The following ZNF484 variants were observed in gnomAD, a reference collection of about 807,000 sequenced individuals.
ZNF484 encodes KRAB box containing C2H2 type zinc finger bA526D8.4.
A neutral mutation model predicts 12.9 loss-of-function variants in ZNF484; 11 were observed. The observed-to-expected ratio is 0.85, with a 90% CI of 0.54 to 1.41. ZNF484 has a LOEUF of 1.41. Ranked by LOEUF, ZNF484 falls within the 40% of genes most tolerant of loss-of-function variation. The pLI, the probability that ZNF484 is intolerant of heterozygous loss-of-function variation, is 0.00. For synonymous variants in ZNF484, 289 were observed against 334.1 expected, an observed-to-expected ratio of 0.86 and a Z score of 1.47; for missense variants, 807 against 1,007.7, an observed-to-expected ratio of 0.80 and a Z score of 2.70.
chr9:92,865,575 G>T (rs532467812), intron 2 of ZNF484, among the ~76,000 whole-genome samples: 1 of 152,196 alleles, frequency 6.6e-6, no homozygotes, highest in East Asian at 1.9e-4. Context: ...ACAAATTGGC[G>T]TAACAAACTT....
In ZNF484 at chr9:92,847,315, G is replaced by A; in HGVS notation, c.1472C>T (p.Thr491Ile). The A allele has an allele frequency of 6.2e-7, 1 of 1,613,626 alleles. No individual in the cohort carries two copies. The highest frequency in any genetic ancestry group is 8.5e-7 in the Non-Finnish European group (1 of 1,179,872). ...AGTACATATATAGGGTCTTTCTCCT[G>A]TATGAATTTTCTGGTGTATAATGAG... ...TNLIIHQKIH[T>I]GERPYICTVC... The change falls in exon 5 of 5, where the codon ACA (threonine) becomes ATA (isoleucine). Residue 491 changes from threonine (T) to isoleucine (I), a missense_variant. Thr to Ile is a moderately conservative substitution (Grantham distance 89). Transcript: ENST00000375495.
At chr9:92,851,602 T>C (rs1302257602) in intron 4 of ZNF484, among the ~76,000 whole-genome samples, 1 of 152,190 alleles carries the variant, frequency 6.6e-6, no homozygotes, top group African/African-American at 2.4e-5. Flanking sequence ...TTCTAGAAAC[T>C]TTGTCCCTGA....
intron 2 of ZNF484, among the ~76,000 whole-genome samples, chr9:92,862,727 T>A (rs75836861): frequency 9.2e-5 from 14 of 152,250 alleles, no homozygotes; most frequent in Non-Finnish European, 1.9e-4. Context: ...AATTTATATA[T>A]AGAGAAAAGA....
chr9:92,869,464 A>G (rs900395899), intron 2 of ZNF484, among the ~76,000 whole-genome samples: 2 of 152,194 alleles, frequency 1.3e-5, no homozygotes, highest in African/African-American at 2.4e-5. Context: ...GCTCACGCCT[A>G]TAATTCCAGC....
Position 92,877,970 on chromosome 9 carries a change from C to T in ZNF484, c.-111G>A, listed in dbSNP as rs543786501. 1 of 1,182,242 alleles carries T rather than the reference C, an allele frequency of 8.5e-7. No homozygotes were observed. Among genetic ancestry groups the T allele is most frequent in the African/African-American group, 1.5e-5 (1 of 65,298 alleles). 73.2% of individuals were successfully genotyped at this position (1,182,242 alleles called of 1,614,324 possible). ...ATAGTCGCAAGAACCAGAACAGGAC[C>T]CACTTCCTTTTTCTCAATGCCTCCC... On this transcript the variant is annotated 5_prime_UTR_variant, in exon 1 of 5. Coordinates refer to ENST00000375495, the MANE Select transcript of ZNF484 (RefSeq NM_031486.4).
At position 92,846,499 on chromosome 9, in the gene ZNF484, A is replaced by C; in HGVS notation, c.2288T>G (p.Leu763Arg). 6.2e-7 allele frequency: 1 copy of C among 1,613,944 alleles called. No individual in the cohort carries two copies. Among genetic ancestry groups the C allele is most frequent in the Non-Finnish European group, 8.5e-7 (1 of 1,179,962 alleles). Reference sequence around the variant, plus strand: ...TGTGTGAATTCGATGATGCTCATGGAGTTGTGATTTCTTAATGAAAGACTT... The same window carrying C: ...TGTGTGAATTCGATGATGCTCATGGCGTTGTGATTTCTTAATGAAAGACTT... ...CGKSFIKKSQLHEHHRIHTGE... is the reference protein window; with the variant it reads ...CGKSFIKKSQRHEHHRIHTGE... The change falls in exon 5 of 5, where the codon CTC (leucine) becomes CGC (arginine). Residue 763 changes from leucine to arginine, a missense_variant. Physicochemically the swap from Leu to Arg is moderately radical, Grantham distance 102 (BLOSUM62 -2). Coordinates refer to ENST00000375495, the MANE Select transcript of ZNF484 (RefSeq NM_031486.4).
chr9:92,866,933 T>C lies in ZNF484; in HGVS notation c.15+8082A>G, dbSNP rs533420550. ...GCATGTTCTCACTCATAAGTGGGAG[T>C]TGAACAATGAGAACACACAGACACA... is the stretch of plus-strand genomic sequence containing the variant. On this transcript the variant is annotated intron_variant, in intron 2 of 4. Transcript: ENST00000375495. 1.2e-4 allele frequency among the ~76,000 whole-genome samples: 18 copies of C among 151,700 alleles called. No individual in the cohort carries two copies. In the East Asian group the frequency reaches 2.5e-3, roughly 21 times the overall value.
In ZNF484 at chr9:92,845,974, T is replaced by C. The variant is rs148326564; in HGVS notation, c.*254A>G. ...CTCATTATGAATTTTTGCGGGTCAATATTGAATAGTTGTGGTACCCAGAAC... is the reference window on the plus strand; with the variant it reads ...CTCATTATGAATTTTTGCGGGTCAACATTGAATAGTTGTGGTACCCAGAAC... On this transcript the variant is annotated 3_prime_UTR_variant, in exon 5 of 5. Coordinates refer to ENST00000375495, the MANE Select transcript of ZNF484 (RefSeq NM_031486.4). The surrounding 1 kb of genome is among the most constrained non-coding windows in gnomAD (Gnocchi z 4.0). 742 of 476,092 alleles carry C rather than the reference T, an allele frequency of 1.6e-3. 5 individuals are homozygous for C. The highest frequency in any genetic ancestry group is 0.013 in the African/African-American group (668 of 51,302). 29.5% of individuals were successfully genotyped at this position (476,092 alleles called of 1,614,324 possible).
At chr9:92,856,946 G>C (rs1244771009) in intron 2 of ZNF484, among the ~76,000 whole-genome samples, 2 of 152,116 alleles carry the variant, frequency 1.3e-5, no homozygotes, top group Non-Finnish European at 2.9e-5. Context: ...GGATGGTCTC[G>C]ATCTCCTGAC....
At chr9:92,855,366 C>T (rs944928168) in intron 4 of ZNF484, among the ~76,000 whole-genome samples, 4 of 151,936 alleles carry the variant, frequency 2.6e-5, no homozygotes, top group East Asian at 1.9e-4. Context: ...GGGAAAGAGA[C>T]AAAATGAGAA....
chr9:92,847,263 C>G lies in ZNF484; in HGVS notation c.1524G>C (p.Arg508Ser). Residue 508 changes from arginine (R) to serine (S), a missense_variant, in exon 5 of 5, where the codon AGG becomes AGC. By Grantham distance (110) the Arg-to-Ser change is moderately radical (BLOSUM62 -1). Coordinates refer to ENST00000375495, the MANE Select transcript of ZNF484 (RefSeq NM_031486.4). The part of the protein sequence containing the change: ...CTVCGKAFTD[R>S]SNLIKHQKIH... ...TTTTTTGGTGCTTAATGAGATTTGA[C>G]CTGTCAGTAAAGGCCTTACCACACA... is the stretch of plus-strand genomic sequence containing the variant. 6.2e-7 allele frequency: 1 copy of G among 1,613,986 alleles called. No individual in the cohort carries two copies. The highest frequency in any genetic ancestry group is 1.1e-5 in the South Asian group (1 of 91,080).
At chr9:92,849,026 C>T (rs1855893963) in intron 4 of ZNF484, among the ~76,000 whole-genome samples, 1 of 152,034 alleles carries the variant, frequency 6.6e-6, no homozygotes, top group African/African-American at 2.4e-5. Context: ...CTTTGGGAGG[C>T]TGAGGCAGGC....
chr9:92,865,716 G>A (rs1218557301), intron 2 of ZNF484, among the ~76,000 whole-genome samples: 2 of 152,118 alleles, frequency 1.3e-5, no homozygotes, highest in African/African-American at 4.8e-5. Flanking sequence ...AGACTAGCCT[G>A]CGCAACATAG....
At chr9:92,866,060 G>A (rs889498668) in intron 2 of ZNF484, among the ~76,000 whole-genome samples, 7 of 152,170 alleles carry the variant, frequency 4.6e-5, no homozygotes, top group Non-Finnish European at 8.8e-5. Context: ...TCTGTGGAAA[G>A]AACATAATAC....
intron 2 of ZNF484, chr9:92,862,179 T>A (rs956261812): frequency 4.2e-6 from 4 of 948,534 alleles, no homozygotes; most frequent in South Asian, 4.9e-5. Context: ...AAAAAAAAAA[T>A]AAAAAAAGAA....
At position 92,846,290 on chromosome 9, in the gene ZNF484, A is replaced by G; in HGVS notation, c.2497T>C (p.Ser833Pro). The G allele has an allele frequency of 1.2e-6, 2 of 1,614,102 alleles. No individual in the cohort carries two copies. The highest frequency in any genetic ancestry group is 1.7e-6 in the Non-Finnish European group (2 of 1,179,982). Residue 833 changes from serine (S) to proline (P), a missense_variant, in exon 5 of 5, where the codon TCC (serine) becomes CCC (proline). Transcript: ENST00000375495. ...TCCCCACACCATAATTGTGGCATGG[A>G]GCACTCTACTTCCCCATTGTCAGAT... The part of the protein sequence containing the change: ...QKSDNGEVEC[S>P]MPQLWCGDSE...
chr9:92,867,860 G>A (rs577714614), intron 2 of ZNF484, among the ~76,000 whole-genome samples: 2 of 152,218 alleles, frequency 1.3e-5, no homozygotes, highest in East Asian at 1.9e-4. Context: ...AGTCCTTCTC[G>A]TGAATTATTG....
Sources: allele counts gnomAD v4.1 joint callset (sites outside exome capture counted in the v4.1 genomes callset), GRCh38; gene constraint gnomAD v4.1.1; non-coding constraint Gnocchi (gnomAD v3.1); transcripts MANE v1.5; gene names NCBI Gene and HGNC (gene_info 2026-07-23, HGNC 2026-07-21).